Variants in AGBL4 observed in about 807,000 individuals in gnomAD.
AGBL4 encodes the protein AGBL carboxypeptidase 4.
In AGBL4, 58 loss-of-function variants were observed where a neutral mutation model predicts 66.4. That is an observed-to-expected ratio of 0.87 (90% CI 0.71 to 1.09). The LOEUF (loss-of-function observed/expected upper bound fraction) is 1.09, where lower values mean the gene tolerates loss of function less well. Among genes scored for constraint, AGBL4 ranks in the 50% least tolerant of loss-of-function variants. The pLI is 0.00. For missense variants in AGBL4, 579 were observed against 631.0 expected, an observed-to-expected ratio of 0.92 and a Z score of 0.88; for synonymous variants, 234 against 222.9, an observed-to-expected ratio of 1.05 and a Z score of -0.44.
At chr1:49,870,782 A>G (rs1646819353) in intron 1 of AGBL4, among the ~76,000 whole-genome samples, 1 of 152,044 alleles carries the variant, frequency 6.6e-6, no homozygotes, top group African/African-American at 2.4e-5. Flanking sequence ...AATCAACATA[A>G]GTTACCACTT....
chr1:49,141,455 C>A (rs1392129068), intron 4 of AGBL4, among the ~76,000 whole-genome samples: 1 of 151,986 alleles, frequency 6.6e-6, no homozygotes, highest in African/African-American at 2.4e-5. Flanking sequence ...CTGGAGGACC[C>A]CAGAGGAGAA....
chr1:49,181,780 A>G (rs1018312167), intron 4 of AGBL4, among the ~76,000 whole-genome samples: 1 of 152,178 alleles, frequency 6.6e-6, no homozygotes, highest in Non-Finnish European at 1.5e-5. Flanking sequence ...CAAGCCAGTG[A>G]GAAGCTCCAA....
intron 3 of AGBL4, among the ~76,000 whole-genome samples, chr1:49,391,925 CA>C (rs2148593733): frequency 6.6e-6 from 1 of 151,956 alleles, no homozygotes; most frequent in East Asian, 2.0e-4. Flanking sequence ...GGAAGACAAG[CA>C]GAATATGAAG....
chr1:48,622,748 A>C (rs1341654450), intron 9 of AGBL4, among the ~76,000 whole-genome samples: 1 of 152,058 alleles, frequency 6.6e-6, no homozygotes, highest in Non-Finnish European at 1.5e-5. Flanking sequence ...CCTCCCAAAG[A>C]GCTGGTATTA....
At chr1:48,794,433 A>T (rs1204400839) in intron 6 of AGBL4, among the ~76,000 whole-genome samples, 1 of 152,128 alleles carries the variant, frequency 6.6e-6, no homozygotes, top group Non-Finnish European at 1.5e-5. Flanking sequence ...TCCTCTGGGA[A>T]AGCAGAAGTT....
intron 3 of AGBL4, among the ~76,000 whole-genome samples, chr1:49,592,622 A>G (rs1405639281): frequency 6.6e-6 from 1 of 152,194 alleles, no homozygotes; most frequent in Non-Finnish European, 1.5e-5. Context: ...ACATGTGAAC[A>G]AGCATATGGA....
intron 3 of AGBL4, among the ~76,000 whole-genome samples, chr1:49,382,012 AT>A (rs1410312889): frequency 2.6e-5 from 4 of 151,944 alleles, no homozygotes; most frequent in African/African-American, 9.7e-5. Context: ...TAAAATAAAA[AT>A]AAAAAAAAAT....
intron 2 of AGBL4, among the ~76,000 whole-genome samples, chr1:49,816,251 A>C (rs750016325): frequency 1.3e-5 from 2 of 152,132 alleles, no homozygotes; most frequent in Non-Finnish European, 2.9e-5. Context: ...TACCATCATA[A>C]TTAGAGTATG....
intron 3 of AGBL4, among the ~76,000 whole-genome samples, chr1:49,686,665 G>T (rs1646793805): frequency 6.6e-6 from 1 of 152,140 alleles, no homozygotes; most frequent in African/African-American, 2.4e-5. Context: ...CTTATTCAAT[G>T]CTGATTCCTG....
At chr1:48,858,828 T>C (rs963589022) in intron 6 of AGBL4, among the ~76,000 whole-genome samples, 1 of 152,156 alleles carries the variant, frequency 6.6e-6, no homozygotes, top group African/African-American at 2.4e-5. Context: ...TTATGGCATG[T>C]GAATTATATC....
At chr1:49,867,179 T>A (rs1646722558) in intron 1 of AGBL4, among the ~76,000 whole-genome samples, 1 of 152,138 alleles carries the variant, frequency 6.6e-6, no homozygotes, top group Non-Finnish European at 1.5e-5. Context: ...CGAGTTTTCC[T>A]GTAGTTTCTG....
At chr1:49,259,054 CTAAGATCCA>C (rs1652841103) in intron 3 of AGBL4, among the ~76,000 whole-genome samples, 1 of 151,974 alleles carries the variant, frequency 6.6e-6, no homozygotes, top group Admixed American at 6.6e-5. Flanking sequence ...TCCAGCCAAA[CTAAGATCCA>C]TAAGTGAAGG....
At chr1:49,381,509 G>T (rs1247992287) in intron 3 of AGBL4, among the ~76,000 whole-genome samples, 2 of 152,102 alleles carry the variant, frequency 1.3e-5, no homozygotes, top group African/African-American at 2.4e-5. Context: ...TATACCCAAA[G>T]GATTATAAAT....
At chr1:49,699,687 A>G (rs1647050803) in intron 2 of AGBL4, among the ~76,000 whole-genome samples, 1 of 152,000 alleles carries the variant, frequency 6.6e-6, no homozygotes, top group Admixed American at 6.6e-5. Context: ...TCTGAAAGAA[A>G]AAAAGCCAAA....
intron 2 of AGBL4, among the ~76,000 whole-genome samples, chr1:49,768,312 A>C (rs1643952755): frequency 6.6e-6 from 1 of 152,224 alleles, no homozygotes; most frequent in South Asian, 2.1e-4. Flanking sequence ...CTGCACATCA[A>C]AATGTTAATT....
At chr1:48,545,311 G>A (rs1644141270) in intron 11 of AGBL4, among the ~76,000 whole-genome samples, 1 of 152,116 alleles carries the variant, frequency 6.6e-6, no homozygotes, top group South Asian at 2.1e-4. Flanking sequence ...CATTTTCTGG[G>A]ACAACTCTCT....
intron 6 of AGBL4, among the ~76,000 whole-genome samples, chr1:48,847,069 G>C (rs997306198): frequency 2.0e-5 from 3 of 152,154 alleles, no homozygotes; most frequent in Admixed American, 6.5e-5. Context: ...GGGAGGCCGA[G>C]GGGGGTGGAT....
At chr1:49,365,725 T>G (rs1644229624) in intron 3 of AGBL4, among the ~76,000 whole-genome samples, 1 of 152,148 alleles carries the variant, frequency 6.6e-6, no homozygotes, top group South Asian at 2.1e-4. Context: ...TTTCAATTCC[T>G]TGATGCAACT....
intron 3 of AGBL4, among the ~76,000 whole-genome samples, chr1:49,284,491 CATA>C (rs1644358185): frequency 6.6e-6 from 1 of 151,942 alleles, no homozygotes; most frequent in African/African-American, 2.4e-5. Context: ...CAGCTAACTT[CATA>C]ATGACAGGAT....
Sources: allele counts gnomAD v4.1 joint callset (sites outside exome capture counted in the v4.1 genomes callset), GRCh38; gene constraint gnomAD v4.1.1; transcripts MANE v1.5; gene names NCBI Gene and HGNC (gene_info 2026-07-23, HGNC 2026-07-21).